Variants in CDH23 observed in about 807,000 individuals in gnomAD.
CDH23 encodes the protein cadherin-23.
Under a neutral mutation model 317.1 loss-of-function variants are expected in CDH23, and 189 were observed. The observed-to-expected ratio is 0.60, with a 90% CI of 0.53 to 0.67. The LOEUF (loss-of-function observed/expected upper bound fraction) is 0.67. CDH23 is among the 30% of genes least tolerant of loss of function. The pLI, the probability that CDH23 is intolerant of heterozygous loss-of-function variation, is 0.00. For missense variants in CDH23, 4,401 were observed against 4,592.4 expected (o/e 0.96, Z 1.20); for synonymous variants, 1,839 against 1,876.8 (o/e 0.98, Z 0.52).
At chr10:71,669,575 G>A (rs1864058098) in intron 14 of CDH23, among the ~76,000 whole-genome samples, 1 of 151,998 alleles carries the variant, frequency 6.6e-6, no homozygotes, top group African/African-American at 2.4e-5. Context: ...AGCCTCCTGA[G>A]TAGCTTGGAT....
Position 71,732,365 on chromosome 10 carries a change from A to T in CDH23, c.4094A>T (p.Asp1365Val), listed in dbSNP as rs2132826305. 6.4e-7 allele frequency: 1 copy of T among 1,563,340 alleles called. No individual in the cohort carries two copies. Among genetic ancestry groups the T allele is most frequent in the Non-Finnish European group, 8.7e-7 (1 of 1,153,422 alleles). Residue 1365 changes from aspartate (D) to valine (V), a missense_variant, in exon 32 of 70, where the codon GAC becomes GTC. By Grantham distance (152) the Asp-to-Val change is radical. Coordinates refer to ENST00000224721, the MANE Select transcript of CDH23 (RefSeq NM_022124.6). ...STQAKALFKI[D>V]AITGVITVQG... The stretch of plus-strand genomic sequence containing the variant: ...CAGGCCAAAGCCCTCTTCAAGATAG[A>T]CGCCATCACGGTGAGGGGCTGGGGG...
chr10:71,466,778 A>C (rs1795091497), intron 3 of CDH23, among the ~76,000 whole-genome samples: 1 of 151,966 alleles, frequency 6.6e-6, no homozygotes, highest in African/African-American at 2.4e-5. Flanking sequence ...TGTGTTTAAG[A>C]GTGTGTGACT....
intron 1 of CDH23, among the ~76,000 whole-genome samples, chr10:71,415,691 G>A (rs1279133491): frequency 6.6e-6 from 1 of 152,062 alleles, no homozygotes; most frequent in Non-Finnish European, 1.5e-5. Context: ...AAATTTTGAT[G>A]TCATATTTTT....
chr10:71,807,352 GGC>G lies in CDH23; in HGVS notation c.8257_8258del (p.Ala2753SerfsTer5). ...PRGTLVGNVT[G>X]AVDADEGPNA... Reference sequence around the variant, plus strand: ...CGGCACCCTCGTGGGCAACGTGACAGGCGCAGTGGATGCAGATGAGGGCCCCA... The same window carrying G: ...CGGCACCCTCGTGGGCAACGTGACAGGCAGTGGATGCAGATGAGGGCCCCA... On this transcript the variant is annotated frameshift_variant, in exon 58 of 70. Transcript: ENST00000224721. LOFTEE classifies it high-confidence loss of function. The G allele has an allele frequency of 6.2e-7, 1 of 1,613,902 alleles. No individual in the cohort carries two copies. The highest frequency in any genetic ancestry group is 1.1e-5 in the South Asian group (1 of 91,060).
intron 22 of CDH23, 48 bp downstream of exon 22, chr10:71,695,573 G>C: frequency 7.4e-7 from 1 of 1,344,760 alleles, no homozygotes; most frequent in Non-Finnish European, 1.1e-6. Context: ...CTTCCCAGGG[G>C]TCTGTGCCCC....
chr10:71,552,059 G>A lies in CDH23; in HGVS notation c.430-14683G>A, dbSNP rs547958215. On this transcript the variant is annotated intron_variant, in intron 6 of 69. Transcript: ENST00000224721. ...ACTGGCAATAATGAAGTTTCCTGCA[G>A]TGATGGCTACTACCGCTATGACTGT... is the stretch of plus-strand genomic sequence containing the variant. 2.6e-4 allele frequency among the ~76,000 whole-genome samples: 39 copies of A among 152,366 alleles called. No homozygotes were observed. The South Asian group carries it at 7.0e-3, about 28-fold the overall frequency.
chr10:71,812,110 A>G, intron 66 of CDH23, 95 bp downstream of exon 66: 2 of 1,607,390 alleles, frequency 1.2e-6, no homozygotes, highest in Non-Finnish European at 1.7e-6. Context: ...GGGGCTGCCG[A>G]AACCCAGGCT....
In CDH23 at chr10:71,793,518, C is replaced by G; in HGVS notation, c.6590C>G (p.Thr2197Arg). ...CCAGGCACTGTCATTGCCAATATCACGGCCATTGACCACGACCTCAACCCA... is the reference window on the plus strand; with the variant it reads ...CCAGGCACTGTCATTGCCAATATCAGGGCCATTGACCACGACCTCAACCCA... ...AEPGTVIANI[T>R]AIDHDLNPKL... The change falls in exon 48 of 70, where the codon ACG becomes AGG. Residue 2197 changes from threonine to arginine, a missense_variant. Physicochemically the swap from Thr to Arg is moderately conservative, Grantham distance 71 (BLOSUM62 -1). Transcript: ENST00000224721. The G allele has an allele frequency of 6.2e-7, 1 of 1,613,878 alleles. No individual in the cohort carries two copies.
intron 3 of CDH23, among the ~76,000 whole-genome samples, chr10:71,463,508 C>T (rs760679194): frequency 2.0e-5 from 3 of 152,220 alleles, no homozygotes; most frequent in Non-Finnish European, 4.4e-5. Flanking sequence ...CCAGAAGGCA[C>T]CTTTCTCAGG....
In CDH23 at chr10:71,690,452, CT is replaced by C. The variant is rs2132705508; in HGVS notation, c.2060-11del. 1.8e-5 allele frequency: 29 copies of C among 1,574,890 alleles called. No homozygotes were observed. The highest frequency in any genetic ancestry group is 2.3e-5 in the East Asian group (1 of 42,980). ...GGTGAGCAGCACCCCCTGCCCCCACCTTTTTCCCCCTGAAGGAGCCACGGTG... is the reference window on the plus strand; with the variant it reads ...GGTGAGCAGCACCCCCTGCCCCCACCTTTTCCCCCTGAAGGAGCCACGGTG... On this transcript the variant is annotated splice_polypyrimidine_tract_variant and intron_variant, in intron 19 of 69. Coordinates refer to ENST00000224721, the MANE Select transcript of CDH23 (RefSeq NM_022124.6).
chr10:71,793,497 G>T lies in CDH23; in HGVS notation c.6569G>T (p.Gly2190Val). ...AGCGTGCTGGAGTCGGCTGAGCCAG[G>T]CACTGTCATTGCCAATATCACGGCC... Reference protein sequence around the residue: ...TVSVLESAEPGTVIANITAID... With the variant: ...TVSVLESAEPVTVIANITAID... The change falls in exon 48 of 70, where the codon GGC becomes GTC. Residue 2190 changes from glycine (G) to valine (V), a missense_variant. By Grantham distance (109) the Gly-to-Val change is moderately radical (BLOSUM62 -3). Transcript: ENST00000224721. 1.2e-6 allele frequency: 2 copies of T among 1,613,958 alleles called. No individual in the cohort carries two copies. Among genetic ancestry groups the T allele is most frequent in the Middle Eastern group, 3.3e-4 (2 of 6,062 alleles).
chr10:71,473,327 A>G (rs1007381642), intron 3 of CDH23, among the ~76,000 whole-genome samples: 1 of 152,210 alleles, frequency 6.6e-6, no homozygotes, highest in Non-Finnish European at 1.5e-5. Flanking sequence ...GAAGACATAA[A>G]AAGTCAATAT....
chr10:71,556,488 C>A (rs928647102), intron 6 of CDH23, among the ~76,000 whole-genome samples: 1 of 152,092 alleles, frequency 6.6e-6, no homozygotes, highest in South Asian at 2.1e-4. Flanking sequence ...GTAATCCCAG[C>A]TACTGGGGAG....
At chr10:71,403,070 C>G (rs971308423) in intron 1 of CDH23, among the ~76,000 whole-genome samples, 6 of 151,990 alleles carry the variant, frequency 3.9e-5, no homozygotes, top group African/African-American at 1.5e-4. Context: ...TGCAGTGAGC[C>G]GAGATCGCGC....
intron 1 of CDH23, among the ~76,000 whole-genome samples, chr10:71,411,162 A>T (rs987901981): frequency 2.0e-5 from 3 of 152,222 alleles, no homozygotes; most frequent in Non-Finnish European, 4.4e-5. Flanking sequence ...CTGAAATTCC[A>T]TAAAAGCCCT....
chr10:71,458,116 G>A lies in CDH23; in HGVS notation c.145+11721G>A, dbSNP rs149119525. ...GCTGAGGAGACGGGCAGGCAGAGCC[G>A]ACTTTGAACTTGTCATCACTCCCCT... On this transcript the variant is annotated intron_variant, in intron 3 of 69. Transcript: ENST00000224721. 4.8e-3 allele frequency among the ~76,000 whole-genome samples: 725 copies of A among 152,316 alleles called. 5 individuals carry two copies. The highest frequency in any genetic ancestry group is 0.017 in the African/African-American group (688 of 41,570).
intron 30 of CDH23, among the ~76,000 whole-genome samples, chr10:71,727,987 G>A (rs1432104799): frequency 2.0e-5 from 3 of 152,148 alleles, no homozygotes; most frequent in African/African-American, 4.8e-5. Context: ...GACTCATGGA[G>A]GACAGGCCAC....
chr10:71,484,879 A>G (rs1564609795), intron 3 of CDH23, among the ~76,000 whole-genome samples: 1 of 152,016 alleles, frequency 6.6e-6, no homozygotes, highest in Non-Finnish European at 1.5e-5. Context: ...TGGGGACTTG[A>G]ATGAGCAACT....
At chr10:71,689,339 C>G (rs548993311) in intron 19 of CDH23, among the ~76,000 whole-genome samples, 1 of 152,142 alleles carries the variant, frequency 6.6e-6, no homozygotes, top group Non-Finnish European at 1.5e-5. Flanking sequence ...CTGGGCTGCA[C>G]CCAGCCTACC....
Sources: allele counts gnomAD v4.1 joint callset (sites outside exome capture counted in the v4.1 genomes callset), GRCh38; gene constraint gnomAD v4.1.1; transcripts MANE v1.5; gene names NCBI Gene and HGNC (gene_info 2026-07-23, HGNC 2026-07-21).